TRIM33: variants seen among roughly 807,000 people sequenced by gnomAD.
TRIM33 encodes the protein E3 ubiquitin-protein ligase TRIM33.
A neutral mutation model predicts 125.4 loss-of-function variants in TRIM33; 20 were observed. The ratio of observed to expected loss-of-function variants is 0.16; its 90% CI spans 0.11 to 0.23. The LOEUF (loss-of-function observed/expected upper bound fraction) is 0.23. Among genes scored for constraint, TRIM33 ranks in the 10% least tolerant of loss-of-function variants. TRIM33 has a pLI of 1.00. For synonymous variants in TRIM33, 564 were observed against 513.9 expected, an observed-to-expected ratio of 1.10 and a Z score of -1.32; for missense variants, 920 against 1,411.4, an observed-to-expected ratio of 0.65 and a Z score of 5.58.
intron 1 of TRIM33, among the ~76,000 whole-genome samples, chr1:114,485,329 A>C (rs1011522600): frequency 6.6e-6 from 1 of 152,048 alleles, no homozygotes; most frequent in African/African-American, 2.4e-5. Context: ...CTACTCCTCA[A>C]TATCAGTAGG....
At chr1:114,414,748 T>C (rs1652821006) in intron 11 of TRIM33, among the ~76,000 whole-genome samples, 1 of 152,156 alleles carries the variant, frequency 6.6e-6, no homozygotes. Context: ...CTCTTATCCC[T>C]ACTGTTCCTC....
intron 4 of TRIM33, among the ~76,000 whole-genome samples, chr1:114,438,787 T>C (rs1648467654): frequency 2.0e-5 from 3 of 152,322 alleles, no homozygotes; most frequent in Middle Eastern, 3.4e-3. Context: ...TAAGGCATAC[T>C]AAGGATTTAA....
intron 11 of TRIM33, among the ~76,000 whole-genome samples, chr1:114,421,013 T>C (rs935406585): frequency 3.3e-5 from 5 of 152,140 alleles, no homozygotes; most frequent in Non-Finnish European, 4.4e-5. Flanking sequence ...TTTAATGTGG[T>C]AGACATATAC....
intron 4 of TRIM33, among the ~76,000 whole-genome samples, chr1:114,457,874 G>A (rs1649718788): frequency 6.6e-6 from 1 of 152,214 alleles, no homozygotes; most frequent in African/African-American, 2.4e-5. Context: ...TCTGCAGTTG[G>A]TGTCAGAAGT....
intron 4 of TRIM33, among the ~76,000 whole-genome samples, chr1:114,444,356 T>A (rs1648846210): frequency 1.3e-5 from 2 of 152,204 alleles, no homozygotes; most frequent in African/African-American, 2.4e-5. Flanking sequence ...GCTATAAAGT[T>A]GACACTGGAA....
intron 4 of TRIM33, among the ~76,000 whole-genome samples, chr1:114,437,174 T>A (rs945105298): frequency 6.6e-6 from 1 of 152,226 alleles, no homozygotes; most frequent in African/African-American, 2.4e-5. Context: ...AAACACACAC[T>A]ATTTTCCTAA....
chr1:114,416,344 CCT>C (rs546781457), intron 11 of TRIM33, among the ~76,000 whole-genome samples: 64 of 152,178 alleles, frequency 4.2e-4, no homozygotes, highest in African/African-American at 1.1e-3. Context: ...CAAAACATTC[CCT>C]GTTTTCCATT....
Position 114,495,291 on chromosome 1 carries a change from A to C in TRIM33, c.526+15260T>G, listed in dbSNP as rs1004929578. On this transcript the variant is annotated intron_variant, in intron 1 of 19. Coordinates refer to ENST00000358465, the MANE Select transcript of TRIM33 (RefSeq NM_015906.4). The stretch of plus-strand genomic sequence containing the variant: ...AATGTCTTATACTAGTTACTTTCCT[A>C]GTTCCTGAAGGCATCTGAGTTTGTG... 5.9e-5 allele frequency among the ~76,000 whole-genome samples: 9 copies of C among 152,254 alleles called. No homozygotes were observed. The South Asian group carries it at 1.9e-3, about 32-fold the overall frequency.
intron 15 of TRIM33, chr1:114,405,195 G>C: frequency 2.1e-6 from 1 of 482,722 alleles, no homozygotes; most frequent in East Asian, 3.4e-5. Flanking sequence ...CTAAAGGCCA[G>C]GAGATGAAAT....
intron 4 of TRIM33, among the ~76,000 whole-genome samples, chr1:114,439,573 ACAT>A (rs1648529813): frequency 6.6e-6 from 1 of 151,368 alleles, no homozygotes; most frequent in African/African-American, 2.4e-5. Flanking sequence ...AGTCATTAGT[ACAT>A]TAATACATGT....
At chr1:114,482,938 C>T (rs1651447517) in intron 1 of TRIM33, among the ~76,000 whole-genome samples, 1 of 152,208 alleles carries the variant, frequency 6.6e-6, no homozygotes. Flanking sequence ...TCAGGTATGT[C>T]TTTATAGCAG....
At chr1:114,417,516 G>A (rs541734755) in intron 11 of TRIM33, among the ~76,000 whole-genome samples, 6 of 152,244 alleles carry the variant, frequency 3.9e-5, no homozygotes, top group Non-Finnish European at 7.4e-5. Context: ...ACCTCTGGCT[G>A]CCCAAAGCTG....
intron 1 of TRIM33, among the ~76,000 whole-genome samples, chr1:114,496,862 G>C (rs1232011337): frequency 6.6e-6 from 1 of 152,050 alleles, no homozygotes; most frequent in Non-Finnish European, 1.5e-5. Context: ...TCTTATTTCT[G>C]ATTTTTACTT....
chr1:114,434,263 C>T lies in TRIM33; in HGVS notation c.924-530G>A, dbSNP rs183928419. ...TCAAGCAATCCTCCTGCCTTGGCCT[C>T]TCAAAGTGCTAGGATTACAGGAGTG... On this transcript the variant is annotated intron_variant, in intron 4 of 19. Coordinates refer to ENST00000358465, the MANE Select transcript of TRIM33 (RefSeq NM_015906.4). Among the ~76,000 whole-genome samples, 12 of 152,304 alleles carry T rather than the reference C, an allele frequency of 7.9e-5. No homozygotes were observed. In the East Asian group the frequency reaches 2.3e-3, roughly 29 times the overall value.
At chr1:114,488,089 G>A (rs948285034) in intron 1 of TRIM33, among the ~76,000 whole-genome samples, 6 of 151,920 alleles carry the variant, frequency 3.9e-5, no homozygotes, top group Non-Finnish European at 7.4e-5. Flanking sequence ...GAAGTAAAAC[G>A]TCTATACTTC....
chr1:114,403,345 C>T (rs1652024205), intron 15 of TRIM33, among the ~76,000 whole-genome samples: 1 of 152,162 alleles, frequency 6.6e-6, no homozygotes, highest in African/African-American at 2.4e-5. Context: ...CACACAAACA[C>T]ATACCTGCAG....
At chr1:114,443,385 AAATGAATGAATG>A (rs372157103) in intron 4 of TRIM33, among the ~76,000 whole-genome samples, 11 of 149,860 alleles carry the variant, frequency 7.3e-5, no homozygotes, top group African/African-American at 2.2e-4. Context: ...CTCCATCTCA[AAATGAATGAATG>A]AATGAATGAA....
chr1:114,401,350 T>C (rs894296688), intron 17 of TRIM33, 39 bp downstream of exon 17: 2 of 1,570,078 alleles, frequency 1.3e-6, no homozygotes, highest in African/African-American at 1.4e-5. Context: ...TTAAGTATTA[T>C]GAGACTTCCC....
chr1:114,467,563 T>C (rs1650378559), intron 1 of TRIM33, among the ~76,000 whole-genome samples: 1 of 152,048 alleles, frequency 6.6e-6, no homozygotes, highest in Admixed American at 6.6e-5. Flanking sequence ...AACAGAGCTC[T>C]CAAATTTAGG....
Sources: allele counts gnomAD v4.1 joint callset (sites outside exome capture counted in the v4.1 genomes callset), GRCh38; gene constraint gnomAD v4.1.1; transcripts MANE v1.5; gene names NCBI Gene and HGNC (gene_info 2026-07-23, HGNC 2026-07-21).